Variants in KPNA5 observed in about 807,000 individuals in gnomAD.
The protein encoded by KPNA5 is karyopherin subunit alpha 5.
In KPNA5, 46 loss-of-function variants were observed where a neutral mutation model predicts 71.3. The ratio of observed to expected loss-of-function variants is 0.65; its 90% CI spans 0.51 to 0.83. KPNA5 has a LOEUF of 0.83. Ranked by LOEUF, KPNA5 falls within the 40% of genes least tolerant of loss-of-function variation. KPNA5 has a pLI of 0.00. For missense variants in KPNA5, 547 were observed against 628.3 expected, an observed-to-expected ratio of 0.87 and a Z score of 1.38; for synonymous variants, 207 against 201.4, an observed-to-expected ratio of 1.03 and a Z score of -0.24.
In KPNA5 at chr6:116,692,037, G is replaced by A. The variant is rs41290848; in HGVS notation, c.139-18G>A. On this transcript the variant is annotated intron_variant, in intron 2 of 13. Coordinates refer to ENST00000368564, the MANE Select transcript of KPNA5 (RefSeq NM_001366306.2). ...TTATGGAAAGCTCAATGTGTAAACT[G>A]ATTTCTCTTTATTACAGTTGTTCAA... 0.043 allele frequency: 66,680 copies of A among 1,534,480 alleles called. 1,738 individuals are homozygous for A. The highest frequency in any genetic ancestry group is 0.051 in the Non-Finnish European group (56,685 of 1,109,290).
At chr6:116,712,088 C>T (rs1040785523) in intron 7 of KPNA5, among the ~76,000 whole-genome samples, 9 of 152,202 alleles carry the variant, frequency 5.9e-5, no homozygotes, top group African/African-American at 1.7e-4. Context: ...ACCACAGACA[C>T]GTGCCACCAT....
intron 12 of KPNA5, 84 bp downstream of exon 12, chr6:116,726,706 C>G: frequency 1.8e-6 from 2 of 1,126,814 alleles, no homozygotes; most frequent in Non-Finnish European, 2.5e-6. Flanking sequence ...ACTGATGGAA[C>G]TAAAATATTA....
Position 116,702,132 on chromosome 6 carries a change from T to C in KPNA5, c.549T>C (p.His183=), listed in dbSNP as rs1452805334. 6.2e-7 allele frequency: 1 copy of C among 1,613,940 alleles called. No individual in the cohort carries two copies. Among genetic ancestry groups the C allele is most frequent in the South Asian group, 1.1e-5 (1 of 91,020 alleles). The change falls in exon 6 of 14, where the codon CAT becomes CAC. Residue 183 remains histidine, a synonymous_variant. Coordinates refer to ENST00000368564, the MANE Select transcript of KPNA5 (RefSeq NM_001366306.2). ...TTATCAAACTTCTTAATTCTGAACA[T>C]GAAGATGTTCAGGAACAGGTACGTC... ...PIFIKLLNSE[H]EDVQEQAVWA... is the part of the protein sequence containing the mutation.
At chr6:116,719,008 C>T (rs1188720987) in intron 8 of KPNA5, among the ~76,000 whole-genome samples, 3 of 152,110 alleles carry the variant, frequency 2.0e-5, no homozygotes, top group African/African-American at 4.8e-5. Context: ...CTCAAGCTCC[C>T]GACCTCAGGT....
At chr6:116,696,036 T>C (rs1288729778) in intron 4 of KPNA5, among the ~76,000 whole-genome samples, 1 of 152,202 alleles carries the variant, frequency 6.6e-6, no homozygotes, top group Non-Finnish European at 1.5e-5. Context: ...TTTAAGCCTT[T>C]ATATGTCTAA....
In KPNA5 at chr6:116,734,600, A is replaced by G. The variant is rs1583454238; in HGVS notation, c.*2277A>G. On this transcript the variant is annotated 3_prime_UTR_variant, in exon 14 of 14. Coordinates refer to ENST00000368564, the MANE Select transcript of KPNA5 (RefSeq NM_001366306.2). ...GCTTGGCTTGGCTTGGCTTATTGTT[A>G]AGAGTTTATTGGATCAAGACTAACA... The G allele has an allele frequency of 6.6e-6, 1 of 151,564 alleles. No homozygotes were observed. The highest frequency in any genetic ancestry group is 1.9e-4 in the East Asian group (1 of 5,160). 9.4% of individuals were successfully genotyped at this position (151,564 alleles called of 1,614,324 possible). A position where few individuals can be genotyped will look rare whatever the true frequency, so the allele number is the denominator to read the frequency against.
At chr6:116,696,949 G>T (rs6927489) in intron 4 of KPNA5, among the ~76,000 whole-genome samples, 5,051 of 151,662 alleles carry the variant, frequency 0.033, 238 homozygotes, top group African/African-American at 0.11. Flanking sequence ...TGTGTGTGTG[G>T]GGGGGTATAT....
chr6:116,701,991 A>C (rs1778247783), intron 5 of KPNA5, 28 bp from the exon 6 acceptor site: 2 of 1,591,812 alleles, frequency 1.3e-6, no homozygotes, highest in Non-Finnish European at 1.7e-6. Flanking sequence ...TGGTTCTTTC[A>C]TTTATTTTAC....
chr6:116,720,172 G>A (rs1436514168), intron 8 of KPNA5, among the ~76,000 whole-genome samples: 1 of 152,124 alleles, frequency 6.6e-6, no homozygotes, highest in Non-Finnish European at 1.5e-5. Context: ...CGTTTCCCCT[G>A]CTGTCTGTGA....
In KPNA5 at chr6:116,689,589, A is replaced by G. The variant is rs952290139; in HGVS notation, c.138+136A>G. 7.0e-5 allele frequency: 50 copies of G among 715,740 alleles called. No homozygotes were observed. In the Middle Eastern group the frequency reaches 1.3e-3, roughly 19 times the overall value. The allele number at this position is 715,740 out of a possible 1,614,324, so 44.3% of individuals were successfully genotyped here. ...TATTTATTAGACTCCAGGCATCATA[A>G]TTGCAAATTTGTGAAACAGAACTCT... On this transcript the variant is annotated intron_variant, in intron 2 of 13. Transcript: ENST00000368564.
At chr6:116,730,528 T>A (rs992339312) in intron 13 of KPNA5, among the ~76,000 whole-genome samples, 2 of 152,196 alleles carry the variant, frequency 1.3e-5, no homozygotes, top group Non-Finnish European at 2.9e-5. Flanking sequence ...TTATTTCTTT[T>A]ATGGAATTAA....
At chr6:116,687,804 CTA>C (rs1777648173) in intron 1 of KPNA5, among the ~76,000 whole-genome samples, 1 of 152,172 alleles carries the variant, frequency 6.6e-6, no homozygotes, top group Non-Finnish European at 1.5e-5. Flanking sequence ...AACTTGTCTT[CTA>C]TGTTTTCATT....
intron 13 of KPNA5, 50 bp downstream of exon 13, chr6:116,729,791 C>A: frequency 8.6e-7 from 1 of 1,156,994 alleles, no homozygotes; most frequent in South Asian, 3.1e-5. Flanking sequence ...TTATATCTGT[C>A]ATACTTTCCC....
In KPNA5 at chr6:116,681,321, A is replaced by G. The variant is rs371417857; in HGVS notation, c.-14A>G. 6.2e-6 allele frequency: 10 copies of G among 1,608,082 alleles called. No individual in the cohort carries two copies. The East Asian group carries it at 2.3e-4, about 36-fold the overall frequency. On this transcript the variant is annotated 5_prime_UTR_variant, in exon 1 of 14. Transcript: ENST00000368564. ...GGGGACTGGGAAATCAGGGCATCGG[A>G]GAGTGCCACATTAATGGGTAAGTTG...
At chr6:116,702,269 TG>T in intron 6 of KPNA5, 119 bp downstream of exon 6, 2 of 1,010,042 alleles carry the variant, frequency 2.0e-6, no homozygotes. Context: ...TGCATTAAAT[TG>T]TAGTAGTGTT....
chr6:116,727,259 A>C (rs1402380314), intron 12 of KPNA5, among the ~76,000 whole-genome samples: 1 of 151,940 alleles, frequency 6.6e-6, no homozygotes, highest in African/African-American at 2.4e-5. Flanking sequence ...TAGTTTCTTC[A>C]TTTTAAAAAA....
chr6:116,693,056 G>A lies in KPNA5; in HGVS notation c.340+664G>A, dbSNP rs1215107240. ...CAGCTTCATCCATGTCCCTACAAAG[G>A]ACATGAACTCATCCTTTTTTATGGC... On this transcript the variant is annotated intron_variant, in intron 4 of 13. Transcript: ENST00000368564. Among the ~76,000 whole-genome samples the A allele has an allele frequency of 3.3e-5, 5 of 152,284 alleles. No homozygotes were observed. In the South Asian group the frequency reaches 8.3e-4, roughly 25 times the overall value.
chr6:116,740,985 A>G lies in KPNA5; in HGVS notation c.*8662A>G, dbSNP rs1313327213. 2 of 151,358 alleles carry G rather than the reference A, an allele frequency of 1.3e-5. No homozygotes were observed. The highest frequency in any genetic ancestry group is 2.9e-5 in the Non-Finnish European group (2 of 68,014). 9.4% of individuals were successfully genotyped at this position (151,358 alleles called of 1,614,324 possible). A position where few individuals can be genotyped will look rare whatever the true frequency, so the allele number is the denominator to read the frequency against. On this transcript the variant is annotated 3_prime_UTR_variant, in exon 14 of 14. Transcript: ENST00000368564. ...ATTGTGCACATGTACCCTGAAACTTAAAGTATAATAAAAAAAAAAGAAATG... is the reference window on the plus strand; with the variant it reads ...ATTGTGCACATGTACCCTGAAACTTGAAGTATAATAAAAAAAAAAGAAATG...
intron 13 of KPNA5, among the ~76,000 whole-genome samples, chr6:116,731,088 C>T (rs1177153714): frequency 6.6e-6 from 1 of 151,714 alleles, no homozygotes; most frequent in African/African-American, 2.4e-5. Flanking sequence ...TTTTTATTTG[C>T]CAAGTTTTAA....
Sources: allele counts gnomAD v4.1 joint callset (sites outside exome capture counted in the v4.1 genomes callset), GRCh38; gene constraint gnomAD v4.1.1; transcripts MANE v1.5; gene names NCBI Gene and HGNC (gene_info 2026-07-23, HGNC 2026-07-21).